CD200: variants seen among roughly 807,000 people sequenced by gnomAD.
CD200 encodes OX-2 membrane glycoprotein.
A neutral mutation model predicts 30.9 loss-of-function variants in CD200; 15 were observed. The ratio of observed to expected loss-of-function variants is 0.49; its 90% CI spans 0.32 to 0.75. The LOEUF (loss-of-function observed/expected upper bound fraction) is 0.75, where lower values mean the gene tolerates loss of function less well. Among genes scored for constraint, CD200 ranks in the 30% least tolerant of loss-of-function variants. The probability of loss-of-function intolerance (pLI) is 0.03; values close to 1 mark genes in which losing one functional copy is unlikely to be tolerated. For synonymous variants in CD200, 134 were observed against 126.2 expected, an observed-to-expected ratio of 1.06 and a Z score of -0.41; for missense variants, 262 against 324.2, an observed-to-expected ratio of 0.81 and a Z score of 1.47.
At chr3:112,341,193 G>A (rs925975589) in intron 2 of CD200, among the ~76,000 whole-genome samples, 6 of 152,074 alleles carry the variant, frequency 3.9e-5, no homozygotes, top group Admixed American at 2.0e-4. Flanking sequence ...TTTAGAAGCC[G>A]TTTCCATAGT....
At chr3:112,335,298 G>A (rs1188616069) in intron 1 of CD200, among the ~76,000 whole-genome samples, 1 of 152,182 alleles carries the variant, frequency 6.6e-6, no homozygotes, top group Non-Finnish European at 1.5e-5. Flanking sequence ...TATTCAGGCA[G>A]CTGAACCATC....
rs2081283456 is a variant in CD200, at chr3:112,342,402, TTTCTTTCTTTCTTTCTTTCTTTCTTTC to T, written c.94+1424_94+1450del. ...CTTTCTTTCTTTCTTTCTTTCTTTC[TTTCTTTCTTTCTTTCTTTCTTTCTTTC>T]TTCTCTCTCTTTCTATGAAATTTCA... On this transcript the variant is annotated intron_variant, in intron 2 of 5. Transcript: ENST00000315711. Among the ~76,000 whole-genome samples, 4 of 69,306 alleles carry T rather than the reference TTTCTTTCTTTCTTTCTTTCTTTCTTTC, an allele frequency of 5.8e-5. 1 individual carries two copies. The highest frequency in any genetic ancestry group is 3.4e-4 in the Admixed American group (2 of 5,962). The allele number at this position is 69,306 out of a possible 152,430, so 45.5% of individuals were successfully genotyped here.
intron 1 of CD200, among the ~76,000 whole-genome samples, chr3:112,339,935 T>G (rs2081200388): frequency 6.6e-6 from 1 of 152,224 alleles, no homozygotes; most frequent in Non-Finnish European, 1.5e-5. Flanking sequence ...CCCCCAGGAA[T>G]GCAGACGCAA....
Position 112,349,768 on chromosome 3 carries a change from G to A in CD200, c.751G>A (p.Val251Ile), listed in dbSNP as rs148317970. The change falls in exon 5 of 6, where the codon GTC (valine) becomes ATC (isoleucine). Residue 251 changes from valine to isoleucine, a missense_variant. Val to Ile is a conservative substitution (Grantham distance 29, BLOSUM62 3). Transcript: ENST00000315711. ...LSIVSLVILLVLISILLYWKR... is the reference protein window; with the variant it reads ...LSIVSLVILLILISILLYWKR... Reference sequence around the variant, plus strand: ...CATTGTTTCCCTGGTAATTCTTCTCGTCCTAATCTCAATCTTACTGTACTG... The same window carrying A: ...CATTGTTTCCCTGGTAATTCTTCTCATCCTAATCTCAATCTTACTGTACTG... 5.4e-5 allele frequency: 87 copies of A among 1,611,366 alleles called. No homozygotes were observed. The highest frequency in any genetic ancestry group is 2.7e-4 in the East Asian group (12 of 44,776).
chr3:112,348,402 A>G (rs2108454666), intron 4 of CD200, among the ~76,000 whole-genome samples: 1 of 152,340 alleles, frequency 6.6e-6, no homozygotes, highest in Non-Finnish European at 1.5e-5. Context: ...TTCGTCACCC[A>G]TTTTAAAGCA....
chr3:112,357,277 AAG>A (rs1553720715), intron 5 of CD200, among the ~76,000 whole-genome samples: 5 of 150,796 alleles, frequency 3.3e-5, no homozygotes, highest in South Asian at 2.1e-4. Flanking sequence ...AAAAAAAAGA[AAG>A]AAAGAAAGAA....
chr3:112,360,030 A>G (rs1176204417), intron 5 of CD200, among the ~76,000 whole-genome samples: 1 of 152,174 alleles, frequency 6.6e-6, no homozygotes, highest in Non-Finnish European at 1.5e-5. Flanking sequence ...CTAAGGCAGA[A>G]AAGTCATTAA....
chr3:112,348,149 A>G (rs2108453942), intron 4 of CD200, among the ~76,000 whole-genome samples: 1 of 152,314 alleles, frequency 6.6e-6, no homozygotes, highest in East Asian at 1.9e-4. Flanking sequence ...AAGTGCAGCA[A>G]TGAGCAAGAC....
At chr3:112,341,762 T>C (rs981974794) in intron 2 of CD200, among the ~76,000 whole-genome samples, 1 of 152,194 alleles carries the variant, frequency 6.6e-6, no homozygotes, top group Non-Finnish European at 1.5e-5. Context: ...AAAAAACTCA[T>C]CTAAGAGTTG....
chr3:112,359,097 A>G (rs553705341), intron 5 of CD200, among the ~76,000 whole-genome samples: 4 of 152,316 alleles, frequency 2.6e-5, no homozygotes, highest in Non-Finnish European at 5.9e-5. Context: ...TTGCTCTGGC[A>G]AGGGCTGTGA....
chr3:112,348,165 C>T (rs2108453981), intron 4 of CD200, among the ~76,000 whole-genome samples: 1 of 152,324 alleles, frequency 6.6e-6, no homozygotes, highest in South Asian at 2.1e-4. Context: ...AAGACTCAGT[C>T]TCTAAGCTTC....
At chr3:112,345,558 C>T (rs144847706) in intron 3 of CD200, among the ~76,000 whole-genome samples, 2 of 152,290 alleles carry the variant, frequency 1.3e-5, no homozygotes, top group African/African-American at 2.4e-5. Context: ...ACAAGTTCTC[C>T]ATAAGCAGTG....
intron 1 of CD200, among the ~76,000 whole-genome samples, chr3:112,334,694 A>C (rs1289554415): frequency 1.3e-5 from 2 of 152,212 alleles, no homozygotes; most frequent in Admixed American, 1.3e-4. Flanking sequence ...TAAACATATA[A>C]ATACTGTTGT....
At chr3:112,333,292 G>T (rs1299151710) in intron 1 of CD200, 68 bp downstream of exon 1, 16 of 1,514,514 alleles carry the variant, frequency 1.1e-5, no homozygotes, top group Non-Finnish European at 1.4e-5. Flanking sequence ...GCCCTGGGGC[G>T]GGCGGCGAGT....
chr3:112,342,164 C>T (rs925864367), intron 2 of CD200, among the ~76,000 whole-genome samples: 7 of 151,740 alleles, frequency 4.6e-5, no homozygotes, highest in East Asian at 3.9e-4. Flanking sequence ...TAATTCACTG[C>T]GATATTTGAA....
intron 5 of CD200, among the ~76,000 whole-genome samples, chr3:112,360,333 A>AAAAAAAAAATATAT (rs879786648): frequency 7.6e-4 from 108 of 141,284 alleles, no homozygotes; most frequent in African/African-American, 2.6e-3. Flanking sequence ...ATCTAAAAAA[A>AAAAAAAAAATATAT]ATATATATAT....
chr3:112,356,759 G>C (rs1467653209), intron 5 of CD200, among the ~76,000 whole-genome samples: 1 of 152,166 alleles, frequency 6.6e-6, no homozygotes, highest in Non-Finnish European at 1.5e-5. Flanking sequence ...TTGTTTTCTA[G>C]TCAGTCATTT....
In CD200 at chr3:112,345,239, T is replaced by A. The variant is rs2081356591; in HGVS notation, c.372T>A (p.Asn124Lys). Residue 124 changes from asparagine to lysine, a missense_variant, in exon 3 of 6, where the codon AAT (asparagine) becomes AAA (lysine). Asn to Lys is a moderately conservative substitution (Grantham distance 94, BLOSUM62 0). Transcript: ENST00000315711. ...AAGGGTGTTACATGTGTCTCTTCAA[T>A]ACCTTTGGTTTTGGGAAGATCTCAG... The part of the protein sequence containing the change: ...EDEGCYMCLF[N>K]TFGFGKISGT... 4 of 1,613,928 alleles carry A rather than the reference T, an allele frequency of 2.5e-6. No individual in the cohort carries two copies. Among genetic ancestry groups the A allele is most frequent in the Non-Finnish European group, 3.4e-6 (4 of 1,179,920 alleles).
intron 5 of CD200, among the ~76,000 whole-genome samples, chr3:112,351,654 T>C (rs1186987757): frequency 1.3e-5 from 2 of 148,914 alleles, no homozygotes; most frequent in Admixed American, 6.6e-5. Context: ...TCATGACATA[T>C]GGCCAATTGC....
Sources: allele counts gnomAD v4.1 joint callset (sites outside exome capture counted in the v4.1 genomes callset), GRCh38; gene constraint gnomAD v4.1.1; transcripts MANE v1.5; gene names NCBI Gene and HGNC (gene_info 2026-07-23, HGNC 2026-07-21).